The following PCDH11X variants were observed in gnomAD, a reference collection of about 807,000 sequenced individuals.
PCDH11X encodes the protein protocadherin-11 X-linked.
In PCDH11X, 18 loss-of-function variants were observed where a neutral mutation model predicts 53.3. That is an observed-to-expected ratio of 0.34 (90% CI 0.23 to 0.50). The LOEUF is 0.50. Among genes scored for constraint, PCDH11X ranks in the 20% least tolerant of loss-of-function variants. PCDH11X has a pLI of 0.98. For missense variants in PCDH11X, 570 were observed against 1,032.4 expected, an observed-to-expected ratio of 0.55 and a Z score of 6.14; for synonymous variants, 279 against 393.3, an observed-to-expected ratio of 0.71 and a Z score of 3.44.
At chrX:92,091,542 C>T (rs1027878368) in intron 6 of PCDH11X, among the ~76,000 whole-genome samples, 2 of 111,091 alleles carry the variant, frequency 1.8e-5, no homozygotes, top group African/African-American at 3.3e-5. Flanking sequence ...CCAAGGTGGT[C>T]GGGGCACAGC....
chrX:92,321,861 T>A (rs1273408961), intron 8 of PCDH11X, among the ~76,000 whole-genome samples: 4 of 110,487 alleles, frequency 3.6e-5, no homozygotes, highest in African/African-American at 1.3e-4. Context: ...TCAGTGGTAA[T>A]GCTTAACATT....
intron 7 of PCDH11X, among the ~76,000 whole-genome samples, chrX:92,233,167 G>A (rs764544181): frequency 8.5e-4 from 94 of 111,134 alleles, no homozygotes; most frequent in African/African-American, 3.0e-3. Context: ...AATTCTTATT[G>A]TGTATTGCTT....
chrX:92,575,695 T>C (rs1308200828), intron 10 of PCDH11X, among the ~76,000 whole-genome samples: 1 of 106,243 alleles, frequency 9.4e-6, no homozygotes, highest in Non-Finnish European at 1.9e-5. Context: ...TTCCTCATTC[T>C]TCCCAAATTC....
chrX:92,294,641 TG>T (rs1366756346), intron 8 of PCDH11X, among the ~76,000 whole-genome samples: 1 of 111,005 alleles, frequency 9.0e-6, no homozygotes, highest in East Asian at 2.8e-4. Flanking sequence ...GCTGTGGTCT[TG>T]GGGAAAAACA....
At chrX:92,048,089 G>T (rs1473349094) in intron 6 of PCDH11X, among the ~76,000 whole-genome samples, 1 of 110,950 alleles carries the variant, frequency 9.0e-6, no homozygotes, top group Non-Finnish European at 1.9e-5. Context: ...CATGTTTGTG[G>T]ATGCCTTAAA....
At chrX:91,992,529 T>A (rs1295414529) in intron 6 of PCDH11X, among the ~76,000 whole-genome samples, 1 of 93,632 alleles carries the variant, frequency 1.1e-5, no homozygotes, top group East Asian at 3.5e-4. Flanking sequence ...CTTGTGGCTA[T>A]GGGTGGTGTT....
chrX:92,093,297 A>C (rs1244850548), intron 6 of PCDH11X, among the ~76,000 whole-genome samples: 1 of 111,191 alleles, frequency 9.0e-6, no homozygotes, highest in Non-Finnish European at 1.9e-5. Flanking sequence ...AGAGGAATAT[A>C]CTCGAGAATG....
chrX:92,132,669 G>GTA (rs1230739543), intron 6 of PCDH11X, among the ~76,000 whole-genome samples: 21 of 51,609 alleles, frequency 4.1e-4, no homozygotes, highest in East Asian at 2.4e-3. Flanking sequence ...ATATATATAT[G>GTA]TATATGTATA....
chrX:91,830,487 C>T lies in PCDH11X; in HGVS notation c.-44-4974C>T, dbSNP rs374229883. On this transcript the variant is annotated intron_variant, in intron 4 of 10. Coordinates refer to ENST00000682573, the MANE Select transcript of PCDH11X (RefSeq NM_032968.5). ...AAATTGGACAGCCAATGCCCTTGCC[C>T]GCCTCTGCTTGCTGTGGTCAGTTCC... is the stretch of plus-strand genomic sequence containing the variant. Among the ~76,000 whole-genome samples the T allele has an allele frequency of 6.3e-5, 7 of 110,632 alleles. No individual in the cohort carries two copies. In the East Asian group the frequency reaches 8.6e-4, roughly 14 times the overall value.
chrX:92,063,338 TA>T (rs77268445), intron 6 of PCDH11X, among the ~76,000 whole-genome samples: 18,040 of 103,566 alleles, frequency 0.17, 1,381 homozygotes, highest in East Asian at 0.42. Context: ...CTTAAAGTAT[TA>T]AAAAAAAAAA....
At chrX:92,094,562 G>A (rs1221054238) in intron 6 of PCDH11X, among the ~76,000 whole-genome samples, 1 of 111,089 alleles carries the variant, frequency 9.0e-6, no homozygotes, top group Non-Finnish European at 1.9e-5. Flanking sequence ...TCAGGGTGTA[G>A]AAAAATATCT....
intron 10 of PCDH11X, among the ~76,000 whole-genome samples, chrX:92,585,268 C>T (rs373897920): frequency 9.0e-6 from 1 of 111,084 alleles, no homozygotes; most frequent in East Asian, 2.8e-4. Flanking sequence ...CCTCCAACAC[C>T]GGGGATTACA....
intron 8 of PCDH11X, among the ~76,000 whole-genome samples, chrX:92,337,790 G>A (rs2069655572): frequency 9.0e-6 from 1 of 111,225 alleles, no homozygotes; most frequent in African/African-American, 3.3e-5. Flanking sequence ...ATATGAATAT[G>A]TGTATAAAAG....
chrX:92,436,069 G>A (rs142561842), intron 9 of PCDH11X, among the ~76,000 whole-genome samples: 2,289 of 110,255 alleles, frequency 0.021, 55 homozygotes, highest in African/African-American at 0.058. Flanking sequence ...TTTGCAAACT[G>A]TGCATTCAAC....
chrX:92,111,219 TAAAAAAAAAAAAAAAAAAA>T (rs771823629), intron 6 of PCDH11X, among the ~76,000 whole-genome samples: 1 of 19,809 alleles, frequency 5.0e-5, no homozygotes, highest in Non-Finnish European at 8.9e-5. Context: ...CACCTAACGC[TAAAAAAAAAAAAAAAAAAA>T]AAAAAAAAAA....
chrX:91,886,985 A>G (rs1940251084), intron 6 of PCDH11X, among the ~76,000 whole-genome samples: 1 of 93,635 alleles, frequency 1.1e-5, no homozygotes, highest in Admixed American at 1.3e-4. Flanking sequence ...AAAAAAAAAA[A>G]AGAAAAGAAA....
intron 9 of PCDH11X, among the ~76,000 whole-genome samples, chrX:92,431,620 CA>C (rs781213727): frequency 9.1e-6 from 1 of 110,044 alleles, no homozygotes; most frequent in South Asian, 3.8e-4. Flanking sequence ...CCTATTAATT[CA>C]AACCTCAGTA....
chrX:92,355,445 A>G (rs1240425077), intron 8 of PCDH11X, among the ~76,000 whole-genome samples: 13 of 93,598 alleles, frequency 1.4e-4, no homozygotes, highest in African/African-American at 4.0e-4. Flanking sequence ...AAAAAAAAAA[A>G]AAAGAAATTG....
At chrX:92,177,737 T>A (rs990505683) in intron 6 of PCDH11X, among the ~76,000 whole-genome samples, 1 of 111,419 alleles carries the variant, frequency 9.0e-6, no homozygotes, top group Non-Finnish European at 1.9e-5. Context: ...TTGGTACATG[T>A]TTTTAGTTGG....
Sources: gnomAD v4.1 joint callset for allele counts (sites outside exome capture counted in the v4.1 genomes callset) on GRCh38, gnomAD v4.1.1 for gene constraint, MANE v1.5 for transcripts, NCBI Gene and HGNC (gene_info 2026-07-23, HGNC 2026-07-21) for gene names.